VTA1: variants seen among roughly 807,000 people sequenced by gnomAD.
VTA1 encodes the protein vesicle trafficking 1, also known as vacuolar protein sorting-associated protein VTA1 homolog.
VTA1 carries 24 observed loss-of-function variants against 36.9 expected under a neutral mutation model. The ratio of observed to expected loss-of-function variants is 0.65; its 90% CI spans 0.47 to 0.91. The LOEUF (loss-of-function observed/expected upper bound fraction) is 0.91. Ranked by LOEUF, VTA1 falls within the 40% of genes least tolerant of loss-of-function variation. The pLI, the probability that VTA1 is intolerant of heterozygous loss-of-function variation, is 0.00. For synonymous variants in VTA1, 142 were observed against 130.2 expected, an observed-to-expected ratio of 1.09 and a Z score of -0.62; for missense variants, 393 against 377.2, an observed-to-expected ratio of 1.04 and a Z score of -0.35.
chr6:142,169,430 C>T, intron 2 of VTA1, 120 bp from the exon 3 acceptor site: 1 of 1,130,088 alleles, frequency 8.8e-7, no homozygotes, highest in Middle Eastern at 2.8e-4. Flanking sequence ...TCATTGATGA[C>T]ATCTTTTATT....
At chr6:142,193,080 A>G (rs937834825) in intron 5 of VTA1, among the ~76,000 whole-genome samples, 1 of 152,070 alleles carries the variant, frequency 6.6e-6, no homozygotes, top group African/African-American at 2.4e-5. Flanking sequence ...TCTGGGTGCC[A>G]TATCTCTTCA....
intron 4 of VTA1, among the ~76,000 whole-genome samples, chr6:142,188,994 T>G (rs1189966616): frequency 6.6e-6 from 1 of 152,224 alleles, no homozygotes; most frequent in Non-Finnish European, 1.5e-5. Flanking sequence ...CCACCACATC[T>G]TAATTTTCTT....
chr6:142,173,281 A>T (rs1413541732), intron 4 of VTA1, among the ~76,000 whole-genome samples: 2 of 152,242 alleles, frequency 1.3e-5, no homozygotes, highest in African/African-American at 4.8e-5. Context: ...TTATTTTTGC[A>T]GTGTAAGAGG....
chr6:142,213,502 C>T lies in VTA1; in HGVS notation c.779-4996C>T, dbSNP rs1408555499. On this transcript the variant is annotated intron_variant, in intron 7 of 7. Transcript: ENST00000367630. ...GCCCTCTTCTCACAGCTCCACTAGGCAGTGCCCCAGTGGGCATGCTGCATG... is the reference window on the plus strand; with the variant it reads ...GCCCTCTTCTCACAGCTCCACTAGGTAGTGCCCCAGTGGGCATGCTGCATG... Among the ~76,000 whole-genome samples, 3 of 152,362 alleles carry T rather than the reference C, an allele frequency of 2.0e-5. No individual in the cohort carries two copies. In the East Asian group the frequency reaches 5.8e-4, roughly 29 times the overall value.
chr6:142,153,542 T>G (rs545756017), intron 1 of VTA1, among the ~76,000 whole-genome samples: 33 of 152,192 alleles, frequency 2.2e-4, no homozygotes, highest in African/African-American at 7.7e-4. Flanking sequence ...CTGGCCTTAA[T>G]GGGAATTTTC....
intron 4 of VTA1, among the ~76,000 whole-genome samples, chr6:142,184,500 A>G (rs1400977558): frequency 1.3e-5 from 2 of 152,130 alleles, no homozygotes; most frequent in African/African-American, 4.8e-5. Flanking sequence ...CATCTCATGT[A>G]TCCCCAGCAC....
intron 7 of VTA1, among the ~76,000 whole-genome samples, chr6:142,216,506 T>C (rs1582909114): frequency 6.6e-6 from 1 of 152,184 alleles, no homozygotes; most frequent in Non-Finnish European, 1.5e-5. Context: ...ATCTGTACAT[T>C]GGTTGTTACT....
In VTA1 at chr6:142,173,720, A is replaced by G. The variant is rs568313812; in HGVS notation, c.411+3299A>G. 3.5e-3 allele frequency among the ~76,000 whole-genome samples: 530 copies of G among 152,342 alleles called. 3 individuals carry two copies. The highest frequency in any genetic ancestry group is 0.012 in the African/African-American group (504 of 41,576). On this transcript the variant is annotated intron_variant, in intron 4 of 7. Transcript: ENST00000367630. ...AGGAATATGTAACACTTCCACATACATAAGCTACATTAATTTATCTGTATT... is the reference window on the plus strand; with the variant it reads ...AGGAATATGTAACACTTCCACATACGTAAGCTACATTAATTTATCTGTATT...
intron 1 of VTA1, among the ~76,000 whole-genome samples, chr6:142,157,795 A>G (rs1389505835): frequency 6.6e-6 from 1 of 151,440 alleles, no homozygotes; most frequent in Non-Finnish European, 1.5e-5. Flanking sequence ...TTGGGCTGTT[A>G]CATTTACATT....
rs904942440 is a variant in VTA1, at chr6:142,198,590, A to G, written c.672A>G (p.Thr224=). ...CGGGTGCACACGCTCCAGCTAATAC[A>G]CCAGCAGAAGTGCCTCACAGCACAG... ...IPPGAHAPAN[T]PAEVPHSTGV... The change falls in exon 6 of 8, where the codon ACA becomes ACG. Residue 224 remains threonine, a synonymous_variant. Coordinates refer to ENST00000367630, the MANE Select transcript of VTA1 (RefSeq NM_016485.5). The G allele has an allele frequency of 1.2e-6, 2 of 1,612,062 alleles. No homozygotes were observed. Among genetic ancestry groups the G allele is most frequent in the African/African-American group, 2.7e-5 (2 of 74,894 alleles).
rs1460184269 is a variant in VTA1, at chr6:142,198,799, T to C, written c.697+184T>C. On this transcript the variant is annotated intron_variant, in intron 6 of 7. Coordinates refer to ENST00000367630, the MANE Select transcript of VTA1 (RefSeq NM_016485.5). ...AATTTTAATATTAGTTGTATTCTAA[T>C]TATTTGAGAAATGACAAGTATTATG... The C allele has an allele frequency of 1.9e-5, 10 of 516,562 alleles. No individual in the cohort carries two copies. In the East Asian group the frequency reaches 3.3e-4, roughly 17 times the overall value. The allele number at this position is 516,562 out of a possible 1,614,324, so 32.0% of individuals were successfully genotyped here.
intron 4 of VTA1, among the ~76,000 whole-genome samples, chr6:142,171,167 T>A (rs887990749): frequency 6.6e-6 from 1 of 152,150 alleles, no homozygotes; most frequent in African/African-American, 2.4e-5. Context: ...CAGTCTTGGT[T>A]CACTGCAACC....
At chr6:142,174,017 G>A (rs181941920) in intron 4 of VTA1, among the ~76,000 whole-genome samples, 56 of 152,264 alleles carry the variant, frequency 3.7e-4, no homozygotes, top group African/African-American at 1.2e-3. Flanking sequence ...CGTCTTTGTT[G>A]GTGGATAAAG....
In VTA1 at chr6:142,153,335, AT is replaced by A. The variant is rs1173202885; in HGVS notation, c.112+5938del. On this transcript the variant is annotated intron_variant, in intron 1 of 7. Coordinates refer to ENST00000367630, the MANE Select transcript of VTA1 (RefSeq NM_016485.5). ...GATTGAGTAAACAAACTATACAGTA[AT>A]TCATAGCTTTTTTTTTTAATGTTCT... is the stretch of plus-strand genomic sequence containing the variant. Among the ~76,000 whole-genome samples the A allele has an allele frequency of 2.6e-5, 4 of 151,890 alleles. No individual in the cohort carries two copies. In the East Asian group the frequency reaches 7.7e-4, roughly 29 times the overall value.
At chr6:142,159,262 G>A (rs1179193647) in intron 1 of VTA1, among the ~76,000 whole-genome samples, 3 of 151,980 alleles carry the variant, frequency 2.0e-5, no homozygotes, top group Non-Finnish European at 4.4e-5. Context: ...TACTTGGGAG[G>A]CTGAGGTGGA....
At chr6:142,148,672 G>A (rs1428139570) in intron 1 of VTA1, among the ~76,000 whole-genome samples, 6 of 152,244 alleles carry the variant, frequency 3.9e-5, no homozygotes, top group Middle Eastern at 3.4e-3. Context: ...AAAAGCTTAT[G>A]AAGACAAATA....
chr6:142,192,633 C>G (rs967602716), intron 5 of VTA1, among the ~76,000 whole-genome samples: 1 of 151,884 alleles, frequency 6.6e-6, no homozygotes, highest in Non-Finnish European at 1.5e-5. Context: ...CACCCCTTGT[C>G]CCCTTTTCTC....
intron 5 of VTA1, among the ~76,000 whole-genome samples, chr6:142,189,842 C>A (rs928968189): frequency 2.6e-5 from 4 of 151,914 alleles, no homozygotes; most frequent in Non-Finnish European, 4.4e-5. Flanking sequence ...CTGGGAGCTC[C>A]GCCTCGCAGG....
intron 4 of VTA1, among the ~76,000 whole-genome samples, chr6:142,181,881 G>A (rs1467484702): frequency 1.3e-5 from 2 of 152,198 alleles, no homozygotes; most frequent in African/African-American, 4.8e-5. Flanking sequence ...GGATTAAAAT[G>A]TTGAATGAAT....
Sources: gnomAD v4.1 joint callset for allele counts (sites outside exome capture counted in the v4.1 genomes callset) on GRCh38, gnomAD v4.1.1 for gene constraint, MANE v1.5 for transcripts, NCBI Gene and HGNC (gene_info 2026-07-23, HGNC 2026-07-21) for gene names.